Variants in STYXL1 observed in about 807,000 individuals in gnomAD.
The protein encoded by STYXL1 is serine/threonine/tyrosine interacting like 1.
Under a neutral mutation model 36.4 loss-of-function variants are expected in STYXL1, and 32 were observed. The ratio of observed to expected loss-of-function variants is 0.88; its 90% CI spans 0.66 to 1.18. The LOEUF (loss-of-function observed/expected upper bound fraction) is 1.18. STYXL1 is among the 50% of genes most tolerant of loss of function. The pLI is 0.00. For synonymous variants in STYXL1, 133 were observed against 144.1 expected (o/e 0.92, Z 0.55); for missense variants, 354 against 394.1 (o/e 0.90, Z 0.86).
intron 1 of STYXL1, among the ~76,000 whole-genome samples, chr7:76,041,296 C>T (rs1292077890): frequency 6.6e-6 from 1 of 152,008 alleles, no homozygotes; most frequent in Non-Finnish European, 1.5e-5. Flanking sequence ...AATCTGATAG[C>T]ACATGATTGT....
intron 4 of STYXL1, among the ~76,000 whole-genome samples, chr7:76,014,947 A>C (rs1563483302): frequency 6.6e-6 from 1 of 152,162 alleles, no homozygotes; most frequent in African/African-American, 2.4e-5. Flanking sequence ...AACAAAGTTG[A>C]CAAAAATAAG....
In STYXL1 at chr7:76,013,762, T is replaced by C. The variant is rs781909480; in HGVS notation, c.433A>G (p.Lys145Glu). 9 of 1,613,916 alleles carry C rather than the reference T, an allele frequency of 5.6e-6. No homozygotes were observed. In the South Asian group the frequency reaches 8.8e-5, roughly 16 times the overall value. Reference protein sequence around the residue: ...SGTYHFLRTQKIIWMPQELDA... With the variant: ...SGTYHFLRTQEIIWMPQELDA... Reference sequence around the variant, plus strand: ...CCTACCTGAGGCATCCAGATGATCTTCTGGGTCCGGAGAAAGTGGTACGTG... The same window carrying C: ...CCTACCTGAGGCATCCAGATGATCTCCTGGGTCCGGAGAAAGTGGTACGTG... Residue 145 changes from lysine (K) to glutamate (E), a missense_variant, in exon 5 of 9, where the codon AAG becomes GAG. Coordinates refer to ENST00000359697, the MANE Select transcript of STYXL1 (RefSeq NM_001317785.2).
Position 76,005,477 on chromosome 7 carries a change from C to A in STYXL1, c.454-73G>T, listed in dbSNP as rs1791550662. 6 of 1,443,942 alleles carry A rather than the reference C, an allele frequency of 4.2e-6. No homozygotes were observed. In the African/African-American group the frequency reaches 8.4e-5, roughly 20 times the overall value. The allele number at this position is 1,443,942 out of a possible 1,614,324, so 89.4% of individuals were successfully genotyped here. A position where few individuals can be genotyped will look rare whatever the true frequency, so the allele number is the denominator to read the frequency against. ...AGAGGGATGTCTATCTCTTGAAACACAGCTCAGCAAACGAGCGTAAAAGGG... is the reference window on the plus strand; with the variant it reads ...AGAGGGATGTCTATCTCTTGAAACAAAGCTCAGCAAACGAGCGTAAAAGGG... On this transcript the variant is annotated intron_variant, in intron 5 of 8. Transcript: ENST00000359697.
Position 76,030,542 on chromosome 7 carries a change from T to C in STYXL1, c.-4-15A>G, listed in dbSNP as rs782650791. 6.7e-7 allele frequency: 1 copy of C among 1,490,108 alleles called. No homozygotes were observed. Among genetic ancestry groups the C allele is most frequent in the Admixed American group, 1.7e-5 (1 of 59,812 alleles). The allele number at this position is 1,490,108 out of a possible 1,614,324, so 92.3% of individuals were successfully genotyped here. A position where few individuals can be genotyped will look rare whatever the true frequency, so the allele number is the denominator to read the frequency against. On this transcript the variant is annotated splice_polypyrimidine_tract_variant and intron_variant, in intron 1 of 8. Coordinates refer to ENST00000359697, the MANE Select transcript of STYXL1 (RefSeq NM_001317785.2). ...CAGGCATCCTGCTGGGAAGAATCAA[T>C]AACACACAAGGGTAACATAACTCTA...
chr7:76,047,609 G>A (rs1327008539), intron 1 of STYXL1, 53 bp downstream of exon 1: 1 of 166,992 alleles, frequency 6.0e-6, no homozygotes, highest in Admixed American at 5.8e-5. Flanking sequence ...GATCTGAGGA[G>A]ATGGCCCCTT....
intron 5 of STYXL1, among the ~76,000 whole-genome samples, chr7:76,009,378 A>C (rs1413384348): frequency 2.7e-5 from 4 of 147,196 alleles, no homozygotes; most frequent in Admixed American, 2.2e-4. Context: ...CTATGCCCTC[A>C]TGTCTGATCG....
chr7:76,036,870 C>T (rs34271845), intron 1 of STYXL1, among the ~76,000 whole-genome samples: 31,841 of 142,278 alleles, frequency 0.22, 5,556 homozygotes, highest in Middle Eastern at 0.39. Flanking sequence ...CTGCAACCTC[C>T]GCCTCCCGGG....
intron 5 of STYXL1, among the ~76,000 whole-genome samples, chr7:76,010,339 T>C (rs1285048352): frequency 6.6e-6 from 1 of 152,098 alleles, no homozygotes; most frequent in African/African-American, 2.4e-5. Context: ...AGGGATGTCT[T>C]TGGGAGCCAG....
intron 4 of STYXL1, among the ~76,000 whole-genome samples, chr7:76,017,722 C>T (rs1385553504): frequency 2.9e-5 from 4 of 135,830 alleles, no homozygotes; most frequent in African/African-American, 9.9e-5. Context: ...CCTGTCTGTA[C>T]TGAAAATACA....
intron 4 of STYXL1, among the ~76,000 whole-genome samples, chr7:76,016,108 G>A (rs534140535): frequency 1.0e-3 from 159 of 151,626 alleles, no homozygotes; most frequent in African/African-American, 3.4e-3. Flanking sequence ...ACATATACAC[G>A]CATATATATA....
At chr7:76,045,710 C>T (rs1796890349) in intron 1 of STYXL1, 1 of 152,164 alleles carries the variant, frequency 6.6e-6, no homozygotes, top group Middle Eastern at 3.2e-3. Flanking sequence ...AAATAAACAA[C>T]CTTTGATAAA....
At chr7:76,005,889 G>GA (rs1554570149) in intron 5 of STYXL1, among the ~76,000 whole-genome samples, 22 of 123,490 alleles carry the variant, frequency 1.8e-4, no homozygotes, top group African/African-American at 6.6e-4. Flanking sequence ...GAGAGAGGAG[G>GA]AGGAGGAGGA....
intron 4 of STYXL1, among the ~76,000 whole-genome samples, chr7:76,016,460 CA>C (rs1359515359): frequency 6.6e-6 from 1 of 150,976 alleles, no homozygotes; most frequent in Non-Finnish European, 1.5e-5. Flanking sequence ...CACATATATA[CA>C]TATATACGCA....
intron 8 of STYXL1, among the ~76,000 whole-genome samples, chr7:75,999,684 A>C (rs1263860567): frequency 2.0e-5 from 3 of 151,740 alleles, no homozygotes; most frequent in African/African-American, 7.3e-5. Context: ...AGTAGCTGGG[A>C]TTACAGGCAC....
At chr7:76,038,527 G>A (rs542677967) in intron 1 of STYXL1, among the ~76,000 whole-genome samples, 16 of 149,872 alleles carry the variant, frequency 1.1e-4, no homozygotes, top group Admixed American at 3.4e-4. Flanking sequence ...CTGGGTTCCC[G>A]CCATTCTCCT....
chr7:76,038,813 G>A (rs761089055), intron 1 of STYXL1, among the ~76,000 whole-genome samples: 3 of 145,516 alleles, frequency 2.1e-5, no homozygotes, highest in East Asian at 2.1e-4. Context: ...TAGAGACAGC[G>A]TCTCACTCTG....
At chr7:76,021,506 C>T (rs948763057) in intron 4 of STYXL1, among the ~76,000 whole-genome samples, 2 of 152,152 alleles carry the variant, frequency 1.3e-5, no homozygotes, top group African/African-American at 2.4e-5. Flanking sequence ...GCTGGTCTGA[C>T]GGGCCCCACA....
intron 1 of STYXL1, among the ~76,000 whole-genome samples, chr7:76,037,848 AC>A (rs1360824413): frequency 6.7e-6 from 1 of 149,954 alleles, no homozygotes; most frequent in Admixed American, 6.6e-5. Flanking sequence ...GTCAGGGTCC[AC>A]AGCCAATCCC....
intron 1 of STYXL1, chr7:76,044,726 C>T (rs1554582965): frequency 6.6e-6 from 1 of 152,352 alleles, no homozygotes; most frequent in Non-Finnish European, 1.5e-5. Flanking sequence ...TGCTCTGTCA[C>T]CCATGTCAGA....
Sources: allele counts gnomAD v4.1 joint callset (sites outside exome capture counted in the v4.1 genomes callset), GRCh38; gene constraint gnomAD v4.1.1; transcripts MANE v1.5; gene names NCBI Gene and HGNC (gene_info 2026-07-23, HGNC 2026-07-21).